The following FBXL17 variants were observed in gnomAD, a reference collection of about 807,000 sequenced individuals.
FBXL17 encodes F-box/LRR-repeat protein 17.
Under a neutral mutation model 66.2 loss-of-function variants are expected in FBXL17, and 22 were observed. The observed-to-expected ratio is 0.33, with a 90% CI of 0.24 to 0.47. FBXL17 has a LOEUF of 0.47. Among genes scored for constraint, FBXL17 ranks in the 20% least tolerant of loss-of-function variants. The pLI, the probability that FBXL17 is intolerant of heterozygous loss-of-function variation, is 1.00. For synonymous variants in FBXL17, 474 were observed against 400.5 expected (o/e 1.18, Z -2.19); for missense variants, 878 against 948.2 (o/e 0.93, Z 0.97).
intron 6 of FBXL17, among the ~76,000 whole-genome samples, chr5:108,053,999 A>T: frequency 6.6e-6 from 1 of 152,160 alleles, no homozygotes; most frequent in East Asian, 1.9e-4. Context: ...CCCTCAGCAA[A>T]CTAATGCAGG....
chr5:108,297,806 T>C, intron 4 of FBXL17: 1 of 766,820 alleles, frequency 1.3e-6, no homozygotes, highest in Non-Finnish European at 1.6e-6. Flanking sequence ...ACTTAACTCA[T>C]GCTTTAGAAT....
chr5:108,296,836 C>G (rs1051433219), intron 4 of FBXL17, among the ~76,000 whole-genome samples: 1 of 151,338 alleles, frequency 6.6e-6, no homozygotes, highest in African/African-American at 2.4e-5. Context: ...AACAAAATAA[C>G]ACATTCAATA....
intron 4 of FBXL17, among the ~76,000 whole-genome samples, chr5:108,340,127 TAA>T (rs753999927): frequency 2.3e-5 from 3 of 133,250 alleles, no homozygotes; most frequent in Admixed American, 1.5e-4. Flanking sequence ...GCTATGTGAT[TAA>T]AAAAAAAAAA....
intron 7 of FBXL17, among the ~76,000 whole-genome samples, chr5:107,928,308 G>C (rs1264602569): frequency 6.6e-6 from 1 of 151,986 alleles, no homozygotes; most frequent in East Asian, 1.9e-4. Context: ...TACATATACA[G>C]TGGCAATCCA....
At chr5:108,123,773 C>T (rs886685476) in intron 6 of FBXL17, among the ~76,000 whole-genome samples, 1 of 152,024 alleles carries the variant, frequency 6.6e-6, no homozygotes, top group African/African-American at 2.4e-5. Flanking sequence ...ATGAGATCTC[C>T]TAGATTCTCC....
intron 6 of FBXL17, among the ~76,000 whole-genome samples, chr5:108,040,269 C>T (rs920174632): frequency 1.3e-5 from 2 of 152,100 alleles, no homozygotes; most frequent in African/African-American, 4.8e-5. Flanking sequence ...TGCCAACTTT[C>T]ATGCCTTGCT....
At chr5:107,942,357 T>C (rs1751134693) in intron 7 of FBXL17, among the ~76,000 whole-genome samples, 2 of 152,184 alleles carry the variant, frequency 1.3e-5, no homozygotes, top group African/African-American at 4.8e-5. Flanking sequence ...TTCAAACGTG[T>C]GTGTTCCTCA....
intron 8 of FBXL17, chr5:107,880,089 C>A: frequency 4.2e-6 from 1 of 238,044 alleles, no homozygotes; most frequent in Non-Finnish European, 6.8e-6. Flanking sequence ...TTGTTTGGGA[C>A]ACAGTCGTGC....
chr5:108,278,546 G>C (rs1439485185), intron 4 of FBXL17, among the ~76,000 whole-genome samples: 1 of 152,230 alleles, frequency 6.6e-6, no homozygotes, highest in African/African-American at 2.4e-5. Context: ...TTGCCACAGA[G>C]GCTTGATCTT....
At chr5:107,883,749 A>C (rs968886187) in intron 7 of FBXL17, among the ~76,000 whole-genome samples, 1 of 152,200 alleles carries the variant, frequency 6.6e-6, no homozygotes, top group African/African-American at 2.4e-5. Context: ...GAAGGTTCTT[A>C]AACATATCCA....
rs140905439 is a variant in FBXL17, at chr5:108,101,875, C to T, written c.1746-80874G>A. ...ATGCCACTTAAGTTTGGGAGAAATG[C>T]TAAGGATATACTTTGCAAAAAGTTC... On this transcript the variant is annotated intron_variant, in intron 6 of 8. Transcript: ENST00000542267. Among the ~76,000 whole-genome samples, 73 of 152,242 alleles carry T rather than the reference C, an allele frequency of 4.8e-4. 2 individuals are homozygous for T. The Middle Eastern group carries it at 0.014, about 28-fold the overall frequency.
chr5:108,344,181 C>CGG (rs398050646), intron 4 of FBXL17, among the ~76,000 whole-genome samples: 13 of 151,736 alleles, frequency 8.6e-5, no homozygotes, highest in South Asian at 6.2e-4. Context: ...CCTAGGGGGT[C>CGG]GGGGGGGAAA....
At chr5:108,094,917 CTG>C (rs1051401019) in intron 6 of FBXL17, among the ~76,000 whole-genome samples, 2 of 150,782 alleles carry the variant, frequency 1.3e-5, no homozygotes, top group Non-Finnish European at 3.0e-5. Context: ...AAAAAATAAA[CTG>C]TTTATCTTGG....
At chr5:108,071,269 A>T (rs1561395716) in intron 6 of FBXL17, among the ~76,000 whole-genome samples, 6 of 152,232 alleles carry the variant, frequency 3.9e-5, no homozygotes, top group Non-Finnish European at 8.8e-5. Context: ...TAAGATTTTC[A>T]TGACCCTACT....
chr5:108,087,312 C>G (rs530636355), intron 6 of FBXL17, among the ~76,000 whole-genome samples: 1 of 152,272 alleles, frequency 6.6e-6, no homozygotes, highest in East Asian at 1.9e-4. Context: ...ATGCACTGCT[C>G]AGATCCCTCT....
intron 4 of FBXL17, among the ~76,000 whole-genome samples, chr5:108,313,978 T>C (rs776395215): frequency 2.0e-5 from 3 of 151,800 alleles, no homozygotes; most frequent in South Asian, 2.1e-4. Context: ...ATGATAAAAA[T>C]TGAAGATGAT....
At chr5:108,036,393 G>C (rs1005959497) in intron 6 of FBXL17, among the ~76,000 whole-genome samples, 2 of 152,094 alleles carry the variant, frequency 1.3e-5, no homozygotes, top group African/African-American at 4.8e-5. Flanking sequence ...TCTGAATATG[G>C]ATACCTTTAG....
intron 6 of FBXL17, among the ~76,000 whole-genome samples, chr5:108,062,678 T>C (rs1248836126): frequency 6.6e-6 from 1 of 152,170 alleles, no homozygotes; most frequent in African/African-American, 2.4e-5. Flanking sequence ...TCATGACTTT[T>C]TTGGAGAATA....
In FBXL17 at chr5:107,894,785, AT is replaced by A. The variant is rs1391565797; in HGVS notation, c.1823-13607del. Among the ~76,000 whole-genome samples the A allele has an allele frequency of 6.6e-5, 10 of 152,284 alleles. 1 individual carries two copies. The East Asian group carries it at 1.7e-3, about 26-fold the overall frequency. ...TTGTTTTTACATAAATTTAATCAAA[AT>A]AAAGAGACTGAATTGCAACTATAAG... On this transcript the variant is annotated intron_variant, in intron 7 of 8. Coordinates refer to ENST00000542267, the MANE Select transcript of FBXL17 (RefSeq NM_001163315.3).
Sources: allele counts gnomAD v4.1 joint callset (sites outside exome capture counted in the v4.1 genomes callset), GRCh38; gene constraint gnomAD v4.1.1; transcripts MANE v1.5; gene names NCBI Gene and HGNC (gene_info 2026-07-23, HGNC 2026-07-21).